ZNF234: variants seen among roughly 807,000 people sequenced by gnomAD.
The protein encoded by ZNF234 is zinc finger protein 234.
A neutral mutation model predicts 10.3 loss-of-function variants in ZNF234; 4 were observed. That is an observed-to-expected ratio of 0.39 (90% CI 0.19 to 0.89). The LOEUF (loss-of-function observed/expected upper bound fraction) is 0.89. Among genes scored for constraint, ZNF234 ranks in the 40% least tolerant of loss-of-function variants. The pLI, the probability that ZNF234 is intolerant of heterozygous loss-of-function variation, is 0.38. For missense variants in ZNF234, 711 were observed against 836.1 expected (o/e 0.85, Z 1.85); for synonymous variants, 258 against 280.1 (o/e 0.92, Z 0.79).
intron 5 of ZNF234, among the ~76,000 whole-genome samples, chr19:44,155,576 A>G (rs1407524287): frequency 6.6e-6 from 1 of 152,210 alleles, no homozygotes; most frequent in Non-Finnish European, 1.5e-5. Context: ...AAATCCATGT[A>G]TAAGTGAACA....
intron 5 of ZNF234, among the ~76,000 whole-genome samples, chr19:44,153,165 C>T (rs985368974): frequency 2.0e-4 from 20 of 97,870 alleles, no homozygotes; most frequent in African/African-American, 6.1e-4. Context: ...ATGTATTCAT[C>T]ATATATATAT....
Position 44,153,160 on chromosome 19 carries a change from T to TATATATATA in ZNF234, c.235+2655_235+2656insATATATATA, listed in dbSNP as rs1568552108. ...TCAGTTTGTTAAATCTAATCATGTATTCATCATATATATATATATATATAT... is the reference window on the plus strand; with the variant it reads ...TCAGTTTGTTAAATCTAATCATGTATATATATATATCATCATATATATATATATATATAT... On this transcript the variant is annotated intron_variant, in intron 5 of 5. Transcript: ENST00000426739. 6.8e-4 allele frequency among the ~76,000 whole-genome samples: 44 copies of TATATATATA among 64,908 alleles called. 1 individual carries two copies. The highest frequency in any genetic ancestry group is 4.2e-3 in the African/African-American group (41 of 9,716). The allele number at this position is 64,908 out of a possible 152,430, so 42.6% of individuals were successfully genotyped here.
At chr19:44,145,706 C>T (rs10406464) in intron 3 of ZNF234, among the ~76,000 whole-genome samples, 1 of 152,174 alleles carries the variant, frequency 6.6e-6, no homozygotes, top group African/African-American at 2.4e-5. Context: ...ATAGAATACT[C>T]TAACATGGCA....
Position 44,157,482 on chromosome 19 carries a change from G to A in ZNF234, c.1466G>A (p.Cys489Tyr). 6.2e-7 allele frequency: 1 copy of A among 1,614,042 alleles called. No individual in the cohort carries two copies. Among genetic ancestry groups the A allele is most frequent in the Non-Finnish European group, 8.5e-7 (1 of 1,179,956 alleles). Residue 489 changes from cysteine (C) to tyrosine (Y), a missense_variant, in exon 6 of 6, where the codon TGC becomes TAC. By Grantham distance (194) the Cys-to-Tyr change is radical. Coordinates refer to ENST00000426739, the MANE Select transcript of ZNF234 (RefSeq NM_006630.3). Reference sequence around the variant, plus strand: ...GAGAAACCATACAAATGTGAAGAGTGCGGAAAGGGATTTAGTCGTAGAGCA... The same window carrying A: ...GAGAAACCATACAAATGTGAAGAGTACGGAAAGGGATTTAGTCGTAGAGCA... ...TGEKPYKCEE[C>Y]GKGFSRRADL...
At position 44,150,454 on chromosome 19, in the gene ZNF234, G is replaced by GAAA; in HGVS notation, c.189_191dup (p.Lys64dup). 1 of 1,589,094 alleles carries GAAA rather than the reference G, an allele frequency of 6.3e-7. No homozygotes were observed. ...ACATGATGTATTCCTTTTAGAAAAG[G>GAAA]AAAAAAAGCTTGATATAATGAAGAC... is the stretch of plus-strand genomic sequence containing the variant. On this transcript the variant is annotated inframe_insertion, in exon 5 of 6. Coordinates refer to ENST00000426739, the MANE Select transcript of ZNF234 (RefSeq NM_006630.3).
chr19:44,142,425 T>C (rs557340317), intron 2 of ZNF234, 58 bp downstream of exon 2: 37 of 152,360 alleles, frequency 2.4e-4, no homozygotes, highest in African/African-American at 8.4e-4. Context: ...GCATGTGTAA[T>C]AGGGCATGGG....
Position 44,157,122 on chromosome 19 carries a change from A to G in ZNF234, c.1106A>G (p.Glu369Gly), listed in dbSNP as rs1226845478. Reference protein sequence around the residue: ...FQAHRRIHTGEKPYVCKVCGK... With the variant: ...FQAHRRIHTGGKPYVCKVCGK... ...GCCCATCGGAGAATCCACACTGGAG[A>G]GAAACCATACGTATGTAAAGTGTGT... is the stretch of plus-strand genomic sequence containing the variant. Residue 369 changes from glutamate to glycine, a missense_variant, in exon 6 of 6, where the codon GAG becomes GGG. By Grantham distance (98) the Glu-to-Gly change is moderately conservative (BLOSUM62 -2). Coordinates refer to ENST00000426739, the MANE Select transcript of ZNF234 (RefSeq NM_006630.3). 9 of 1,614,218 alleles carry G rather than the reference A, an allele frequency of 5.6e-6. No homozygotes were observed. Among genetic ancestry groups the G allele is most frequent in the Non-Finnish European group, 7.6e-6 (9 of 1,180,028 alleles).
intron 3 of ZNF234, among the ~76,000 whole-genome samples, chr19:44,146,666 A>C (rs187094904): frequency 1.6e-3 from 251 of 152,318 alleles, no homozygotes; most frequent in Non-Finnish European, 2.6e-3. Context: ...CATAATAAAC[A>C]TTGGTATTCA....
intron 3 of ZNF234, among the ~76,000 whole-genome samples, chr19:44,145,250 T>C (rs1968561878): frequency 1.3e-5 from 2 of 152,228 alleles, no homozygotes; most frequent in African/African-American, 4.8e-5. Flanking sequence ...CTCATTTTTG[T>C]TATTTTTTCC....
rs746024802 is a variant in ZNF234, at chr19:44,157,237, G to A, written c.1221G>A (p.Lys407=). 5 of 1,614,198 alleles carry A rather than the reference G, an allele frequency of 3.1e-6. No individual in the cohort carries two copies. The East Asian group carries it at 8.9e-5, about 29-fold the overall frequency. The change falls in exon 6 of 6, where the codon AAG becomes AAA. Residue 407 remains lysine (K), a synonymous_variant. Coordinates refer to ENST00000426739, the MANE Select transcript of ZNF234 (RefSeq NM_006630.3). ...CATACAAATGCAATGAGTGTGGGAAGAGCTTCAGAATGAAAATTCATTATC... is the reference window on the plus strand; with the variant it reads ...CATACAAATGCAATGAGTGTGGGAAAAGCTTCAGAATGAAAATTCATTATC... ...EKPYKCNECG[K]SFRMKIHYQV... is the part of the protein sequence containing the mutation.
rs555059613 is a variant in ZNF234 at position 44,156,322 on chromosome 19, A to G, written c.306A>G (p.Gln102=). ...GACATGAAGAGCTTTACTGGGGGCAAATCTGGAAACAGATTGCAAGTGATT... is the reference window on the plus strand; with the variant it reads ...GACATGAAGAGCTTTACTGGGGGCAGATCTGGAAACAGATTGCAAGTGATT... The part of the protein sequence containing the change: ...AGRHEELYWG[Q]IWKQIASDLI... Residue 102 remains glutamine, a synonymous_variant, in exon 6 of 6, where the codon CAA becomes CAG. Transcript: ENST00000426739. 2.2e-5 allele frequency: 35 copies of G among 1,605,960 alleles called. 1 individual carries two copies. In the South Asian group the frequency reaches 3.8e-4, roughly 17 times the overall value.
chr19:44,158,014 TC>T lies in ZNF234; in HGVS notation c.1999del (p.Val668Ter). 2 of 1,613,852 alleles carry T rather than the reference TC, an allele frequency of 1.2e-6. No individual in the cohort carries two copies. Among genetic ancestry groups the T allele is most frequent in the Non-Finnish European group, 1.7e-6 (2 of 1,179,872 alleles). ...GTAAGAGGTTCAGCTGGCGATCAAA[TC>T]TTGTAAGTCATCACAAAATTCATGC... Reference protein sequence around the residue: ...CGKRFSWRSNLVSHHKIHAAG... With the variant: ...CGKRFSWRSNXVSHHKIHAAG... On this transcript the variant is annotated frameshift_variant, in exon 6 of 6. Transcript: ENST00000426739. LOFTEE classifies it low-confidence loss of function (END_TRUNC).
rs535701193 is a variant in ZNF234, at chr19:44,149,440, T to C, written c.142+543T>C. The stretch of plus-strand genomic sequence containing the variant: ...TCCAGCCTGGGTGACAGAGTGAGAC[T>C]GTCTCAAAAAAAAAAGACATTGGTT... On this transcript the variant is annotated intron_variant, in intron 4 of 5. Coordinates refer to ENST00000426739, the MANE Select transcript of ZNF234 (RefSeq NM_006630.3). Among the ~76,000 whole-genome samples, 162 of 151,872 alleles carry C rather than the reference T, an allele frequency of 1.1e-3. 1 individual carries two copies. Among genetic ancestry groups the C allele is most frequent in the Non-Finnish European group, 1.8e-3 (120 of 67,914 alleles).
rs771820073 is a variant in ZNF234 at position 44,157,276 on chromosome 19, A to T, written c.1260A>T (p.Val420=). 7.4e-6 allele frequency: 12 copies of T among 1,613,918 alleles called. No homozygotes were observed. The highest frequency in any genetic ancestry group is 1.0e-5 in the Non-Finnish European group (12 of 1,179,978). ...AAATTCATTATCAAGTGCATCTGGT[A>T]GTCCACACAGGGGAAAAACCCTATA... ...RMKIHYQVHL[V]VHTGEKPYKC... The change falls in exon 6 of 6, where the codon GTA becomes GTT. Residue 420 remains valine (V), a synonymous_variant. Transcript: ENST00000426739.
In ZNF234 at chr19:44,157,488, A is replaced by G; in HGVS notation, c.1472A>G (p.Lys491Arg). The G allele has an allele frequency of 6.2e-7, 1 of 1,614,150 alleles. No individual in the cohort carries two copies. Among genetic ancestry groups the G allele is most frequent in the Non-Finnish European group, 8.5e-7 (1 of 1,179,986 alleles). ...EKPYKCEECG[K>R]GFSRRADLKI... ...CCATACAAATGTGAAGAGTGCGGAA[A>G]GGGATTTAGTCGTAGAGCAGATCTT... is the stretch of plus-strand genomic sequence containing the variant. Residue 491 changes from lysine (K) to arginine (R), a missense_variant, in exon 6 of 6, where the codon AAG (lysine) becomes AGG (arginine). By Grantham distance (26) the Lys-to-Arg change is conservative. Transcript: ENST00000426739.
chr19:44,150,608 C>A, intron 5 of ZNF234, 103 bp downstream of exon 5: 1 of 880,452 alleles, frequency 1.1e-6, no homozygotes, highest in Non-Finnish European at 1.7e-6. Flanking sequence ...AAACCTCTGT[C>A]CTGGATGATT....
At position 44,152,372 on chromosome 19, in the gene ZNF234, T is replaced by A. The variant is rs545209427; in HGVS notation, c.235+1867T>A. 1.0e-3 allele frequency among the ~76,000 whole-genome samples: 157 copies of A among 152,340 alleles called. 2 individuals carry two copies. The highest frequency in any genetic ancestry group is 3.5e-3 in the African/African-American group (147 of 41,582). ...CATAATGAAGGCATTAATGGATGGA[T>A]GTGACCTCACTCTAGGGGTCTTGCA... On this transcript the variant is annotated intron_variant, in intron 5 of 5. Transcript: ENST00000426739.
rs1275402935 is a variant in ZNF234 at position 44,156,890 on chromosome 19, A to G, written c.874A>G (p.Thr292Ala). 6.2e-7 allele frequency: 1 copy of G among 1,613,780 alleles called. No homozygotes were observed. Among genetic ancestry groups the G allele is most frequent in the Middle Eastern group, 1.6e-4 (1 of 6,062 alleles). The change falls in exon 6 of 6, where the codon ACA (threonine) becomes GCA (alanine). Residue 292 changes from threonine to alanine, a missense_variant. Physicochemically the swap from Thr to Ala is moderately conservative, Grantham distance 58. Transcript: ENST00000426739. ...TGGGGAGAAACCATTCAAATGTGAT[A>G]CATGTGGTAAGAACTTCCGTCGTAG... ...HTGEKPFKCD[T>A]CGKNFRRRSA...
intron 3 of ZNF234, among the ~76,000 whole-genome samples, chr19:44,147,889 T>G (rs1968640601): frequency 6.6e-6 from 1 of 152,060 alleles, no homozygotes; most frequent in South Asian, 2.1e-4. Flanking sequence ...AAGTAAGATC[T>G]ACATGAAATG....
Sources: gnomAD v4.1 joint callset for allele counts (sites outside exome capture counted in the v4.1 genomes callset) on GRCh38, gnomAD v4.1.1 for gene constraint, MANE v1.5 for transcripts, NCBI Gene and HGNC (gene_info 2026-07-23, HGNC 2026-07-21) for gene names.